PSD2: variants seen among roughly 807,000 people sequenced by gnomAD.
The protein encoded by PSD2 is PH and SEC7 domain-containing protein 2.
Under a neutral mutation model 69.8 loss-of-function variants are expected in PSD2, and 38 were observed. The ratio of observed to expected loss-of-function variants is 0.54; its 90% CI spans 0.42 to 0.71. The LOEUF is 0.71. Among genes scored for constraint, PSD2 ranks in the 30% least tolerant of loss-of-function variants. PSD2 has a pLI of 0.00. For missense variants in PSD2, 943 were observed against 1,014.5 expected, an observed-to-expected ratio of 0.93 and a Z score of 0.96; for synonymous variants, 412 against 423.0, an observed-to-expected ratio of 0.97 and a Z score of 0.32.
At chr5:139,783,173 A>T in the PSD2 span, among the ~76,000 whole-genome samples, 1 of 152,126 alleles carries the variant, frequency 6.6e-6, no homozygotes, top group African/African-American at 2.4e-5. Context: ...GCACGGTCAC[A>T]CCTGTAATCC....
chr5:139,842,565 C>T lies in PSD2; in HGVS notation c.*91C>T, dbSNP rs1007091995. The T allele has an allele frequency of 1.7e-5, 20 of 1,194,076 alleles. No homozygotes were observed. Among genetic ancestry groups the T allele is most frequent in the Middle Eastern group, 2.8e-4 (1 of 3,602 alleles). The allele number at this position is 1,194,076 out of a possible 1,614,324, so 74.0% of individuals were successfully genotyped here. On this transcript the variant is annotated 3_prime_UTR_variant, in exon 15 of 15. Transcript: ENST00000274710. Reference sequence around the variant, plus strand: ...AGCCAGGGGCCACTTGGACCAAGCTCCAGTCAGTTGATGGGCAGCTAGAGG... The same window carrying T: ...AGCCAGGGGCCACTTGGACCAAGCTTCAGTCAGTTGATGGGCAGCTAGAGG...
chr5:139,758,484 G>A, the PSD2 span, among the ~76,000 whole-genome samples: 5 of 152,096 alleles, frequency 3.3e-5, no homozygotes, highest in Non-Finnish European at 7.4e-5. Context: ...GATCTTGAAA[G>A]TAATCCTGAG....
intron 1 of PSD2, among the ~76,000 whole-genome samples, chr5:139,800,728 T>C (rs1048377692): frequency 6.6e-6 from 1 of 152,228 alleles, no homozygotes; most frequent in Non-Finnish European, 1.5e-5. Flanking sequence ...TGCTTTCTTC[T>C]GTATCTGTGG....
the PSD2 span, among the ~76,000 whole-genome samples, chr5:139,755,344 C>G: frequency 6.6e-6 from 1 of 152,042 alleles, no homozygotes; most frequent in Non-Finnish European, 1.5e-5. Flanking sequence ...TCCAGAGACG[C>G]TAGTGGGGAG....
intron 1 of PSD2, 121 bp from the exon 2 acceptor site, chr5:139,809,270 G>A: frequency 1.3e-6 from 1 of 746,162 alleles, no homozygotes; most frequent in Non-Finnish European, 2.1e-6. Flanking sequence ...GCCCCGAGGA[G>A]GTCATCTTGG....
At chr5:139,745,525 C>T in the PSD2 span, among the ~76,000 whole-genome samples, 1 of 152,318 alleles carries the variant, frequency 6.6e-6, no homozygotes, top group South Asian at 2.1e-4. Flanking sequence ...CATGGGTGGG[C>T]GGGGCCGACG....
At chr5:139,777,957 C>T in the PSD2 span, among the ~76,000 whole-genome samples, 2 of 152,232 alleles carry the variant, frequency 1.3e-5, no homozygotes, top group East Asian at 3.8e-4. Context: ...CTCCCAACAA[C>T]CATTCCCTCT....
chr5:139,754,104 G>C, the PSD2 span, among the ~76,000 whole-genome samples: 1 of 152,146 alleles, frequency 6.6e-6, no homozygotes, highest in Non-Finnish European at 1.5e-5. Flanking sequence ...CCAAAGTGCT[G>C]GGATTACAGG....
chr5:139,794,341 G>A (rs1211641487), upstream of PSD2, among the ~76,000 whole-genome samples: 2 of 152,208 alleles, frequency 1.3e-5, no homozygotes, highest in Non-Finnish European at 2.9e-5. Context: ...CTTGGTAGAT[G>A]CTTGGTTGTC....
intron 5 of PSD2, among the ~76,000 whole-genome samples, chr5:139,819,510 G>T (rs1408128629): frequency 3.3e-5 from 5 of 152,128 alleles, no homozygotes; most frequent in Non-Finnish European, 5.9e-5. Flanking sequence ...GGGAAAAGTG[G>T]CCATGTGTTT....
intron 1 of PSD2, among the ~76,000 whole-genome samples, chr5:139,804,769 T>A (rs939012735): frequency 6.9e-6 from 1 of 143,912 alleles, no homozygotes; most frequent in African/African-American, 2.6e-5. Flanking sequence ...CTCGCTGCCC[T>A]TAACCTTGCC....
At chr5:139,759,490 T>A in the PSD2 span, among the ~76,000 whole-genome samples, 1 of 152,136 alleles carries the variant, frequency 6.6e-6, no homozygotes, top group African/African-American at 2.4e-5. Flanking sequence ...TCCCCCGCCC[T>A]GGGCTCCCTG....
intron 1 of PSD2, among the ~76,000 whole-genome samples, chr5:139,802,771 G>A (rs964676935): frequency 6.6e-6 from 1 of 152,162 alleles, no homozygotes; most frequent in Non-Finnish European, 1.5e-5. Context: ...GTACGCAAAT[G>A]CTAAGCAAAT....
chr5:139,780,829 C>T, the PSD2 span, among the ~76,000 whole-genome samples: 25 of 152,294 alleles, frequency 1.6e-4, no homozygotes, highest in East Asian at 3.9e-4. Flanking sequence ...CTCATACATG[C>T]GCCATGTCCA....
chr5:139,776,359 A>G, the PSD2 span, among the ~76,000 whole-genome samples: 1 of 152,232 alleles, frequency 6.6e-6, no homozygotes, highest in Non-Finnish European at 1.5e-5. Flanking sequence ...CCTGGAGGAA[A>G]AATCATGGGT....
intron 5 of PSD2, among the ~76,000 whole-genome samples, chr5:139,819,449 C>G (rs1760201385): frequency 1.3e-5 from 2 of 152,194 alleles, no homozygotes; most frequent in Non-Finnish European, 2.9e-5. Flanking sequence ...GCCTTTTAGC[C>G]TCCTGCCTTT....
rs1380514795 is a variant in PSD2, at chr5:139,837,005, G to A, written c.1594+4G>A. On this transcript the variant is annotated splice_donor_region_variant and intron_variant, in intron 10 of 14. Coordinates refer to ENST00000274710, the MANE Select transcript of PSD2 (RefSeq NM_032289.4). This position sits in a 1 kb window ranked among gnomAD's most constrained non-coding sequence, Gnocchi z 5.0. ...GCTGACATGGATGGCAAGAGGAGTG[G>A]GTGTCAGGCTGGGAGAGGGGCATGG... 6.2e-7 allele frequency: 1 copy of A among 1,610,228 alleles called. No homozygotes were observed. The highest frequency in any genetic ancestry group is 1.1e-5 in the South Asian group (1 of 90,908).
At chr5:139,788,653 C>T in the PSD2 span, among the ~76,000 whole-genome samples, 1 of 152,200 alleles carries the variant, frequency 6.6e-6, no homozygotes, top group Non-Finnish European at 1.5e-5. Context: ...GACAGGCTCC[C>T]GGAGGCCCAC....
chr5:139,759,709 A>G, the PSD2 span, among the ~76,000 whole-genome samples: 1,147 of 152,324 alleles, frequency 7.5e-3, 19 homozygotes, highest in East Asian at 0.033. Flanking sequence ...TAATTTGACA[A>G]TAATCATCTG....
Sources: allele counts gnomAD v4.1 joint callset (sites outside exome capture counted in the v4.1 genomes callset), GRCh38; gene constraint gnomAD v4.1.1; non-coding constraint Gnocchi (gnomAD v3.1); transcripts MANE v1.5; gene names NCBI Gene and HGNC (gene_info 2026-07-23, HGNC 2026-07-21).